The following MUC5AC variants were observed in gnomAD, a reference collection of about 807,000 sequenced individuals.
MUC5AC encodes the protein mucin-5AC.
MUC5AC carries 158 observed loss-of-function variants against 169.7 expected under a neutral mutation model. That is an observed-to-expected ratio of 0.93 (90% CI 0.82 to 1.06). The LOEUF (loss-of-function observed/expected upper bound fraction) is 1.06. Among genes scored for constraint, MUC5AC ranks in the 50% least tolerant of loss-of-function variants. The pLI, the probability that MUC5AC is intolerant of heterozygous loss-of-function variation, is 0.00. For missense variants in MUC5AC, 4,359 were observed against 3,089.9 expected, an observed-to-expected ratio of 1.41 and a Z score of -9.74; for synonymous variants, 1,975 against 1,237.0, an observed-to-expected ratio of 1.60 and a Z score of -12.52.
At chr11:1,170,088 A>C in intron 15 of MUC5AC, among the ~76,000 whole-genome samples, 2 of 120,532 alleles carry the variant, frequency 1.7e-5, no homozygotes, top group Admixed American at 8.4e-5. Flanking sequence ...CCACTCACTC[A>C]CTCACCTCAC....
In MUC5AC at chr11:1,187,330, C is replaced by T. The variant is rs1225675875; in HGVS notation, c.9185C>T (p.Ser3062Phe). The change falls in exon 31 of 49, where the codon TCT (serine) becomes TTT (phenylalanine). Residue 3062 changes from serine (S) to phenylalanine (F), a missense_variant. Physicochemically the swap from Ser to Phe is radical, Grantham distance 155. Transcript: ENST00000621226. ...TTSASTTSITSGPGTTPSPVP... is the reference protein window; with the variant it reads ...TTSASTTSITFGPGTTPSPVP... ...TCGGCTTCTACCACCAGCATAACTT[C>T]TGGTCCTGGAACTACCCCAAGCCCT... The T allele has an allele frequency of 6.9e-6, 5 of 728,320 alleles. No homozygotes were observed. Among genetic ancestry groups the T allele is most frequent in the Non-Finnish European group, 1.3e-5 (5 of 398,286 alleles). The allele number at this position is 728,320 out of a possible 1,614,324, so 45.1% of individuals were successfully genotyped here.
rs930066094 is a variant in MUC5AC, at chr11:1,162,616, C to G, written c.558C>G (p.Val186=). 6.2e-7 allele frequency: 1 copy of G among 1,612,754 alleles called. No individual in the cohort carries two copies. Among genetic ancestry groups the G allele is most frequent in the Non-Finnish European group, 8.5e-7 (1 of 1,179,858 alleles). ...AGGTGGAGGCCAGGCTGGGCCTTGT[C>G]CTCATGTGGAACCACGATGACAGCC... ...YTKVEARLGL[V]LMWNHDDSLL... The change falls in exon 5 of 49, where the codon GTC becomes GTG. Residue 186 remains valine (V), a synonymous_variant. Coordinates refer to ENST00000621226, the MANE Select transcript of MUC5AC (RefSeq NM_001304359.2).
At chr11:1,162,487 C>G in intron 4 of MUC5AC, 45 bp from the exon 5 acceptor site, 1 of 1,558,282 alleles carries the variant, frequency 6.4e-7, no homozygotes, top group Middle Eastern at 1.7e-4. Flanking sequence ...CCTGGGGTCT[C>G]TCCTCACTGC....
Position 1,199,771 on chromosome 11 carries a change from A to G in MUC5AC, c.16585+7A>G, listed in dbSNP as rs28457780. The G allele has an allele frequency of 0.74, 527,061 of 716,792 alleles. 196,811 individuals carry two copies. The highest frequency in any genetic ancestry group is 0.79 in the Non-Finnish European group (311,177 of 393,310). 44.4% of individuals were successfully genotyped at this position (716,792 alleles called of 1,614,324 possible). ...CCGCCCCCGTACCAGAACCGTGAGT[A>G]CCCAGCCTGCTGGGCGGGGCGGGCT... On this transcript the variant is annotated splice_region_variant and intron_variant, in intron 47 of 48. Transcript: ENST00000621226.
At chr11:1,164,821 C>G (rs28429215) in intron 9 of MUC5AC, among the ~76,000 whole-genome samples, 1 of 146,276 alleles carries the variant, frequency 6.8e-6, no homozygotes, top group African/African-American at 2.6e-5. Context: ...TGGCTGAGGC[C>G]CCTGTCCTGG....
At chr11:1,197,364 C>T (rs902441721) in intron 40 of MUC5AC, 104 bp from the exon 41 acceptor site, 21 of 655,700 alleles carry the variant, frequency 3.2e-5, no homozygotes, top group East Asian at 1.4e-4. Context: ...GCAGGCCACA[C>T]GGCCTCCACA....
chr11:1,190,925 T>C lies in MUC5AC; in HGVS notation c.12780T>C (p.Val4260=), dbSNP rs1313628686. ...GTCCTGGAACTACTCCAAGCCCTGT[T>C]CCCAGCACCAGTACAACCTCTGCTG... is the stretch of plus-strand genomic sequence containing the variant. The part of the protein sequence containing the change: ...TSGPGTTPSP[V]PSTSTTSAAT... Residue 4260 remains valine (V), a synonymous_variant, in exon 31 of 49, where the codon GTT becomes GTC. Transcript: ENST00000621226. 2 of 737,342 alleles carry C rather than the reference T, an allele frequency of 2.7e-6. No homozygotes were observed. Among genetic ancestry groups the C allele is most frequent in the Non-Finnish European group, 4.9e-6 (2 of 405,584 alleles). The allele number at this position is 737,342 out of a possible 1,614,324, so 45.7% of individuals were successfully genotyped here.
chr11:1,169,997 C>T (rs1298541653), intron 15 of MUC5AC, among the ~76,000 whole-genome samples: 1 of 143,976 alleles, frequency 6.9e-6, no homozygotes, highest in Non-Finnish European at 1.5e-5. Context: ...CACCCATTCA[C>T]CCATTCACCC....
In MUC5AC at chr11:1,194,663, C is replaced by T; in HGVS notation, c.15183C>T (p.Gly5061=). 1 of 758,900 alleles carries T rather than the reference C, an allele frequency of 1.3e-6. No individual in the cohort carries two copies. The highest frequency in any genetic ancestry group is 2.4e-6 in the Non-Finnish European group (1 of 414,016). 47.0% of individuals were successfully genotyped at this position (758,900 alleles called of 1,614,324 possible). The stretch of plus-strand genomic sequence containing the variant: ...GCAAGTTTGCCAACAACACCGAGGG[C>T]CAGTGCGGTGAGGCCACAGGGCTCC... The part of the protein sequence containing the change: ...PFSKFANNTE[G]QCGTCTNDRK... The change falls in exon 35 of 49, where the codon GGC becomes GGT. Residue 5061 remains glycine, a synonymous_variant. Transcript: ENST00000621226.
In MUC5AC at chr11:1,160,631, C is replaced by T; in HGVS notation, c.93C>T (p.Ser31=). ...CTGCAGGCCATGCCCAGGATGGCTC[C>T]TCCGAATCCAGCTACAAGCACCACC... ...TRHTGHAQDG[S]SESSYKHHPA... The change falls in exon 2 of 49, where the codon TCC becomes TCT. Residue 31 remains serine (S), a synonymous_variant. Coordinates refer to ENST00000621226, the MANE Select transcript of MUC5AC (RefSeq NM_001304359.2). 1.2e-6 allele frequency: 2 copies of T among 1,609,916 alleles called. No homozygotes were observed. The highest frequency in any genetic ancestry group is 1.3e-5 in the African/African-American group (1 of 75,038).
chr11:1,168,207 G>T (rs1451938774), intron 12 of MUC5AC, among the ~76,000 whole-genome samples: 1 of 152,182 alleles, frequency 6.6e-6, no homozygotes, highest in Non-Finnish European at 1.5e-5. Flanking sequence ...GACCCAAGGG[G>T]CCCCAGGAAG....
chr11:1,161,227 C>T (rs1006658157), intron 2 of MUC5AC, among the ~76,000 whole-genome samples: 1 of 152,178 alleles, frequency 6.6e-6, no homozygotes, highest in African/African-American at 2.4e-5. Context: ...TTGTCTTGAG[C>T]CGCTGATGCA....
In MUC5AC at chr11:1,180,470, T is replaced by C; in HGVS notation, c.3730T>C (p.Tyr1244His). 4 of 398,928 alleles carry C rather than the reference T, an allele frequency of 1.0e-5. No homozygotes were observed. The highest frequency in any genetic ancestry group is 1.3e-5 in the Non-Finnish European group (3 of 226,260). 24.7% of individuals were successfully genotyped at this position (398,928 alleles called of 1,614,324 possible). Residue 1244 changes from tyrosine to histidine, a missense_variant, in exon 28 of 49, where the codon TAC (tyrosine) becomes CAC (histidine). Physicochemically the swap from Tyr to His is moderately conservative, Grantham distance 83. Coordinates refer to ENST00000621226, the MANE Select transcript of MUC5AC (RefSeq NM_001304359.2). ...PPRCHVHGKS[Y>H]RPGAVVPSDK... ...ACGGTGCCACGTCCATGGGAAGTCC[T>C]ACCGGCCAGGTGCAGTGGTGCCCTC... is the stretch of plus-strand genomic sequence containing the variant.
intron 5 of MUC5AC, 145 bp from the exon 6 acceptor site, chr11:1,162,810 C>G (rs919094472): frequency 3.1e-6 from 3 of 981,222 alleles, no homozygotes; most frequent in African/African-American, 1.6e-5. Flanking sequence ...AATGGTGTCC[C>G]GGGGTCTGTG....
At position 1,171,111 on chromosome 11, in the gene MUC5AC, C is replaced by T. The variant is rs1860507242; in HGVS notation, c.1871-1318C>T. Among the ~76,000 whole-genome samples the T allele has an allele frequency of 4.8e-5, 7 of 145,514 alleles. No individual in the cohort carries two copies. The South Asian group carries it at 1.2e-3, about 24-fold the overall frequency. On this transcript the variant is annotated intron_variant, in intron 15 of 48. Coordinates refer to ENST00000621226, the MANE Select transcript of MUC5AC (RefSeq NM_001304359.2). ...ACTCACCGACTCAACCATTCACTCACCCATTCGCCCACTCATTCACCTCAC... is the reference window on the plus strand; with the variant it reads ...ACTCACCGACTCAACCATTCACTCATCCATTCGCCCACTCATTCACCTCAC...
Position 1,197,934 on chromosome 11 carries a change from G to T in MUC5AC, c.16065G>T (p.Val5355=). The change falls in exon 42 of 49, where the codon GTG becomes GTT. Residue 5355 remains valine, a synonymous_variant. Coordinates refer to ENST00000621226, the MANE Select transcript of MUC5AC (RefSeq NM_001304359.2). ...ACNTSRCPAP[V]GCPEGARAIP... ...ACACCAGCCGCTGCCCCGCGCCCGT[G>T]GGCTGTCCTGAGGGCGCCCGCGCGA... 2 of 735,632 alleles carry T rather than the reference G, an allele frequency of 2.7e-6. No homozygotes were observed. Among genetic ancestry groups the T allele is most frequent in the East Asian group, 2.5e-5 (1 of 39,868 alleles). 45.6% of individuals were successfully genotyped at this position (735,632 alleles called of 1,614,324 possible).
chr11:1,185,959 C>A lies in MUC5AC; in HGVS notation c.7814C>A (p.Thr2605Asn), dbSNP rs1359225664. 4 of 736,390 alleles carry A rather than the reference C, an allele frequency of 5.4e-6. No homozygotes were observed. The highest frequency in any genetic ancestry group is 7.4e-6 in the Non-Finnish European group (3 of 403,386). 45.6% of individuals were successfully genotyped at this position (736,390 alleles called of 1,614,324 possible). ...TPSAVPTTSI[T>N]SAPTTSTNSA... Reference sequence around the variant, plus strand: ...AGTGCTGTTCCCACCACCAGCATAACCTCTGCACCTACAACCAGCACAAAC... The same window carrying A: ...AGTGCTGTTCCCACCACCAGCATAAACTCTGCACCTACAACCAGCACAAAC... Residue 2605 changes from threonine to asparagine, a missense_variant, in exon 31 of 49, where the codon ACC (threonine) becomes AAC (asparagine). By Grantham distance (65) the Thr-to-Asn change is moderately conservative. Transcript: ENST00000621226.
chr11:1,178,417 C>T, intron 24 of MUC5AC, 27 bp from the exon 25 acceptor site: 1 of 513,022 alleles, frequency 1.9e-6, no homozygotes, highest in Non-Finnish European at 3.1e-6. Flanking sequence ...GCTGCACCCA[C>T]CTCCACCTCT....
rs1449400732 is a variant in MUC5AC, at chr11:1,179,190, C to T, written c.3426C>T (p.Tyr1142=). ...CECFCTAVAA[Y]AQACHEVGLC... ...GCTTCTGCACGGCTGTGGCCGCCTA[C>T]GCCCAGGCCTGCCATGAAGTAGGCC... The change falls in exon 26 of 49, where the codon TAC becomes TAT. Residue 1142 remains tyrosine, a synonymous_variant. Coordinates refer to ENST00000621226, the MANE Select transcript of MUC5AC (RefSeq NM_001304359.2). The T allele has an allele frequency of 7.6e-5, 52 of 681,288 alleles. 1 individual carries two copies. Among genetic ancestry groups the T allele is most frequent in the South Asian group, 7.7e-5 (5 of 64,680 alleles). 42.2% of individuals were successfully genotyped at this position (681,288 alleles called of 1,614,324 possible). A position where few individuals can be genotyped will look rare whatever the true frequency, so the allele number is the denominator to read the frequency against.
Sources: allele counts gnomAD v4.1 joint callset (sites outside exome capture counted in the v4.1 genomes callset), GRCh38; gene constraint gnomAD v4.1.1; transcripts MANE v1.5; gene names NCBI Gene and HGNC (gene_info 2026-07-23, HGNC 2026-07-21).